The following CCSER1 variants were observed in gnomAD, a reference collection of about 807,000 sequenced individuals.
CCSER1 encodes coiled-coil serine rich protein 1.
In CCSER1, 41 loss-of-function variants were observed where a neutral mutation model predicts 82.0. The observed-to-expected ratio is 0.50, with a 90% CI of 0.39 to 0.65. The LOEUF (loss-of-function observed/expected upper bound fraction) is 0.65. CCSER1 is among the 30% of genes least tolerant of loss of function. The pLI, the probability that CCSER1 is intolerant of heterozygous loss-of-function variation, is 0.00. For synonymous variants in CCSER1, 414 were observed against 383.9 expected, an observed-to-expected ratio of 1.08 and a Z score of -0.92; for missense variants, 1,119 against 1,064.2, an observed-to-expected ratio of 1.05 and a Z score of -0.72.
chr4:90,781,749 A>T (rs11722100), intron 7 of CCSER1: 544,844 of 956,632 alleles, frequency 0.57, 156,613 homozygotes, highest in African/African-American at 0.67. Flanking sequence ...AAGTATGAAA[A>T]CCTGTCTTTT....
chr4:90,974,088 A>C (rs2150405547), intron 9 of CCSER1, among the ~76,000 whole-genome samples: 1 of 151,660 alleles, frequency 6.6e-6, no homozygotes, highest in South Asian at 2.1e-4. Context: ...CATTTGAATA[A>C]ACGGTAGAAA....
Position 90,861,135 on chromosome 4 carries a change from G to A in CCSER1, c.2094+45290G>A, listed in dbSNP as rs76489775. Reference sequence around the variant, plus strand: ...AAGATCCAAGGATAGTAATGCACAGGGATATATTTTAGAAATTAGTTTATG... The same window carrying A: ...AAGATCCAAGGATAGTAATGCACAGAGATATATTTTAGAAATTAGTTTATG... On this transcript the variant is annotated intron_variant, in intron 8 of 10. Transcript: ENST00000509176. Among the ~76,000 whole-genome samples, 1,040 of 151,656 alleles carry A rather than the reference G, an allele frequency of 6.9e-3. 6 individuals carry two copies. Among genetic ancestry groups the A allele is most frequent in the African/African-American group, 0.024 (1,004 of 41,444 alleles).
At chr4:91,304,204 A>G (rs1395336951) in intron 10 of CCSER1, among the ~76,000 whole-genome samples, 1 of 152,218 alleles carries the variant, frequency 6.6e-6, no homozygotes, top group East Asian at 1.9e-4. Context: ...TAGTGAATTA[A>G]AATGAAATTC....
intron 8 of CCSER1, among the ~76,000 whole-genome samples, chr4:90,820,708 CATATTT>C (rs1356981207): frequency 1.3e-5 from 2 of 150,852 alleles, no homozygotes; most frequent in Admixed American, 6.7e-5. Flanking sequence ...TAGATTATAG[CATATTT>C]ATATTTATAT....
At chr4:91,277,307 A>G (rs2149195416) in intron 10 of CCSER1, among the ~76,000 whole-genome samples, 1 of 151,998 alleles carries the variant, frequency 6.6e-6, no homozygotes, top group South Asian at 2.1e-4. Flanking sequence ...TCAATTCTGG[A>G]CTTCTTTTGG....
At chr4:91,425,961 C>T (rs1753943152) in intron 10 of CCSER1, among the ~76,000 whole-genome samples, 1 of 152,106 alleles carries the variant, frequency 6.6e-6, no homozygotes, top group South Asian at 2.1e-4. Context: ...CATAGGTATA[C>T]ACGTGCCATG....
chr4:90,317,497 C>T (rs1736381373), intron 3 of CCSER1, among the ~76,000 whole-genome samples: 1 of 152,168 alleles, frequency 6.6e-6, no homozygotes. Flanking sequence ...TGGCCAGTGC[C>T]TGTAATCCCA....
intron 1 of CCSER1, among the ~76,000 whole-genome samples, chr4:90,298,080 C>T (rs1204277635): frequency 6.6e-6 from 1 of 152,134 alleles, no homozygotes; most frequent in African/African-American, 2.4e-5. Context: ...ACCAGTTCCT[C>T]CTTGTACCTC....
chr4:91,516,761 T>A (rs1396409628), intron 10 of CCSER1, among the ~76,000 whole-genome samples: 2 of 152,208 alleles, frequency 1.3e-5, no homozygotes, highest in Non-Finnish European at 2.9e-5. Flanking sequence ...GGTAGTTTGA[T>A]AAGTGTAGCA....
chr4:90,505,093 A>G (rs1770493967), intron 5 of CCSER1, among the ~76,000 whole-genome samples: 1 of 152,226 alleles, frequency 6.6e-6, no homozygotes, highest in Non-Finnish European at 1.5e-5. Context: ...CATTGCCCAA[A>G]TAGGTAAAGC....
chr4:91,464,286 T>C (rs891662958), intron 10 of CCSER1, among the ~76,000 whole-genome samples: 64 of 152,140 alleles, frequency 4.2e-4, no homozygotes, highest in African/African-American at 1.5e-3. Flanking sequence ...TAAAATCCTT[T>C]ACAGACAAGC....
intron 5 of CCSER1, among the ~76,000 whole-genome samples, chr4:90,531,263 C>T (rs191313955): frequency 5.5e-4 from 83 of 151,938 alleles, no homozygotes; most frequent in African/African-American, 1.7e-3. Flanking sequence ...TGTATAAACA[C>T]ATTGATTGTT....
intron 4 of CCSER1, among the ~76,000 whole-genome samples, chr4:90,453,053 G>A (rs974965720): frequency 6.6e-6 from 1 of 152,188 alleles, no homozygotes; most frequent in African/African-American, 2.4e-5. Flanking sequence ...ACTTTAACCT[G>A]AGAATAAAGG....
At chr4:91,361,518 G>T (rs17214031) in intron 10 of CCSER1, among the ~76,000 whole-genome samples, 2,847 of 151,888 alleles carry the variant, frequency 0.019, 94 homozygotes, top group Non-Finnish European at 0.027. Flanking sequence ...GACAGGCATT[G>T]TGGAGGTAGA....
intron 5 of CCSER1, among the ~76,000 whole-genome samples, chr4:90,593,381 G>A (rs1468075090): frequency 5.9e-5 from 9 of 152,080 alleles, no homozygotes; most frequent in Admixed American, 4.6e-4. Context: ...AGCAACAAAA[G>A]CAGAGACTAA....
chr4:90,263,995 G>A (rs148264604), intron 1 of CCSER1, among the ~76,000 whole-genome samples: 1 of 152,224 alleles, frequency 6.6e-6, no homozygotes, highest in East Asian at 1.9e-4. Flanking sequence ...CCCCCACTTG[G>A]GGAAGCATTT....
intron 1 of CCSER1, among the ~76,000 whole-genome samples, chr4:90,144,208 C>A (rs754686821): frequency 6.6e-6 from 1 of 152,128 alleles, no homozygotes; most frequent in South Asian, 2.1e-4. Context: ...GAATGTGCTC[C>A]CATACCTTGC....
At chr4:90,673,635 A>G (rs1733229126) in intron 6 of CCSER1, among the ~76,000 whole-genome samples, 1 of 151,986 alleles carries the variant, frequency 6.6e-6, no homozygotes, top group African/African-American at 2.4e-5. Context: ...CAACCTAGAA[A>G]TCCTCTCCAC....
In CCSER1 at chr4:90,691,637, TCA is replaced by T. The variant is rs1461481271; in HGVS notation, c.1933-32274_1933-32273del. Among the ~76,000 whole-genome samples, 22 of 151,892 alleles carry T rather than the reference TCA, an allele frequency of 1.4e-4. No homozygotes were observed. In the East Asian group the frequency reaches 3.1e-3, roughly 21 times the overall value. On this transcript the variant is annotated intron_variant, in intron 6 of 10. Coordinates refer to ENST00000509176, the MANE Select transcript of CCSER1 (RefSeq NM_001145065.2). ...ATGTATATATGTGTATGTATATATA[TCA>T]CATGTATATATACACACATGCATAT...
Sources: gnomAD v4.1 joint callset for allele counts (sites outside exome capture counted in the v4.1 genomes callset) on GRCh38, gnomAD v4.1.1 for gene constraint, MANE v1.5 for transcripts, NCBI Gene and HGNC (gene_info 2026-07-23, HGNC 2026-07-21) for gene names.